The following PCDHA9 variants were observed in gnomAD, a reference collection of about 807,000 sequenced individuals.
PCDHA9 encodes the protein protocadherin alpha-9.
In PCDHA9, 62 loss-of-function variants were observed where a neutral mutation model predicts 62.0. The observed-to-expected ratio is 1.00, with a 90% CI of 0.81 to 1.23. The LOEUF is 1.23. Among genes scored for constraint, PCDHA9 ranks in the 50% most tolerant of loss-of-function variants. The probability of loss-of-function intolerance (pLI) is 0.00; values close to 1 mark genes in which losing one functional copy is unlikely to be tolerated. For synonymous variants in PCDHA9, 557 were observed against 567.6 expected (o/e 0.98, Z 0.27); for missense variants, 1,205 against 1,249.8 (o/e 0.96, Z 0.54).
chr5:140,883,096 T>G (rs2059436763), intron 1 of PCDHA9: 1 of 1,614,006 alleles, frequency 6.2e-7, no homozygotes, highest in Non-Finnish European at 8.5e-7. Flanking sequence ...CAAATGGAGA[T>G]ATAGTTTACT....
chr5:140,984,413 C>A lies in PCDHA9; in HGVS notation c.2542+1850C>A, dbSNP rs75063168. Among the ~76,000 whole-genome samples, 1,502 of 152,262 alleles carry A rather than the reference C, an allele frequency of 9.9e-3. 20 individuals carry two copies. Among genetic ancestry groups the A allele is most frequent in the African/African-American group, 0.035 (1,434 of 41,536 alleles). On this transcript the variant is annotated intron_variant, in intron 3 of 3. Transcript: ENST00000532602. ...AAATGTTGAGAACCTATCTTTTTTA[C>A]AGAGATAGAGAAGGGGATCTCCCTT...
intron 1 of PCDHA9, among the ~76,000 whole-genome samples, chr5:140,910,787 T>G (rs566298433): frequency 2.0e-5 from 3 of 152,196 alleles, no homozygotes; most frequent in Non-Finnish European, 4.4e-5. Flanking sequence ...CAACATTAAA[T>G]GCAGAATCCC....
chr5:140,934,555 CT>C (rs1355336850), intron 1 of PCDHA9, among the ~76,000 whole-genome samples: 2 of 151,972 alleles, frequency 1.3e-5, no homozygotes, highest in African/African-American at 2.4e-5. Context: ...ATCATTTCTT[CT>C]TTTTTTTAAT....
intron 1 of PCDHA9, chr5:140,858,724 G>A: frequency 2.0e-6 from 1 of 491,474 alleles, no homozygotes; most frequent in South Asian, 3.0e-5. Flanking sequence ...TTGCAGTTCT[G>A]ACGATTTACT....
At chr5:140,884,378 A>G (rs781954919) in intron 1 of PCDHA9, 3 of 1,613,952 alleles carry the variant, frequency 1.9e-6, no homozygotes, top group Non-Finnish European at 2.5e-6. Flanking sequence ...GATCATTGCC[A>G]TCTGCGCGGT....
chr5:140,963,438 CT>C (rs2095766112), intron 1 of PCDHA9, among the ~76,000 whole-genome samples: 1 of 152,242 alleles, frequency 6.6e-6, no homozygotes, highest in Admixed American at 6.5e-5. Context: ...TAACTTCATA[CT>C]CTGTTGCTAA....
intron 1 of PCDHA9, among the ~76,000 whole-genome samples, chr5:140,947,689 G>A (rs1276078725): frequency 2.0e-5 from 3 of 151,490 alleles, no homozygotes; most frequent in African/African-American, 4.8e-5. Context: ...GTCTCAGCAT[G>A]TTCTGTAGTT....
intron 1 of PCDHA9, among the ~76,000 whole-genome samples, chr5:140,923,018 T>G (rs1353684633): frequency 6.6e-6 from 1 of 152,224 alleles, no homozygotes; most frequent in African/African-American, 2.4e-5. Flanking sequence ...GACTGCAGTT[T>G]CGGACTCTAT....
chr5:140,967,029 G>A, intron 1 of PCDHA9: 1 of 1,609,056 alleles, frequency 6.2e-7, no homozygotes, highest in Non-Finnish European at 8.5e-7. Flanking sequence ...CCCAGTCCGC[G>A]CTACCTGGAG....
At chr5:140,954,864 G>A (rs2095103058) in intron 1 of PCDHA9, among the ~76,000 whole-genome samples, 1 of 152,074 alleles carries the variant, frequency 6.6e-6, no homozygotes, top group Admixed American at 6.5e-5. Context: ...TGTCCTGAAT[G>A]GTATTGCCTA....
At chr5:140,975,213 G>A (rs1205237242) in intron 1 of PCDHA9, among the ~76,000 whole-genome samples, 2 of 152,178 alleles carry the variant, frequency 1.3e-5, no homozygotes, top group African/African-American at 4.8e-5. Context: ...GGCTGGCACT[G>A]GAGAATCTTC....
Position 140,848,526 on chromosome 5 carries a change from G to A in PCDHA9, c.31G>A (p.Gly11Ser), listed in dbSNP as rs1781577604. Residue 11 changes from glycine (G) to serine (S), a missense_variant, in exon 1 of 4, where the codon GGT (glycine) becomes AGT (serine). By Grantham distance (56) the Gly-to-Ser change is moderately conservative (BLOSUM62 0). Transcript: ENST00000532602. Reference sequence around the variant, plus strand: ...ATACTCAAGTCGAGGAGATCCAGAGGGTCAGCCTCTACTGCTCTCGCTTCT... The same window carrying A: ...ATACTCAAGTCGAGGAGATCCAGAGAGTCAGCCTCTACTGCTCTCGCTTCT... MLYSSRGDPE[G>S]QPLLLSLLIL... The A allele has an allele frequency of 1.3e-6, 2 of 1,594,266 alleles. No homozygotes were observed. Among genetic ancestry groups the A allele is most frequent in the Admixed American group, 1.7e-5 (1 of 59,152 alleles).
At position 140,850,636 on chromosome 5, in the gene PCDHA9, C is replaced by T. The variant is rs2150491740; in HGVS notation, c.2141C>T (p.Thr714Met). The T allele has an allele frequency of 8.1e-6, 13 of 1,598,538 alleles. 2 individuals are homozygous for T. The highest frequency in any genetic ancestry group is 6.7e-5 in the Admixed American group (4 of 59,320). Reference sequence around the variant, plus strand: ...GCGGTGTCTAGCCTGTTGGTTCTCACGCTGCTGCTGTACACTGTGCTGCGG... The same window carrying T: ...GCGGTGTCTAGCCTGTTGGTTCTCATGCTGCTGCTGTACACTGTGCTGCGG... ...ICAVSSLLVL[T>M]LLLYTVLRCS... Residue 714 changes from threonine (T) to methionine (M), a missense_variant, in exon 1 of 4, where the codon ACG (threonine) becomes ATG (methionine). Physicochemically the swap from Thr to Met is moderately conservative, Grantham distance 81. Transcript: ENST00000532602.
At chr5:140,882,385 A>G in intron 1 of PCDHA9, 1 of 1,614,234 alleles carries the variant, frequency 6.2e-7, no homozygotes, top group Non-Finnish European at 8.5e-7. Flanking sequence ...CCGAGGAAGC[A>G]AAACACGGCA....
At chr5:141,000,421 A>ATTTTTTTTT (rs34755515) in intron 3 of PCDHA9, among the ~76,000 whole-genome samples, 3 of 27,980 alleles carry the variant, frequency 1.1e-4, no homozygotes, top group African/African-American at 1.8e-4. Flanking sequence ...ATATATATAT[A>ATTTTTTTTT]TTTTTTTTTT....
In PCDHA9 at chr5:140,927,203, C is replaced by T. The variant is rs782141467; in HGVS notation, c.2395-51746C>T. ...ACCTACGACCTGGTGCTCGAGGACC[C>T]GCTGGAGCTGCACAAGATTCGGATT... On this transcript the variant is annotated intron_variant, in intron 1 of 3. Transcript: ENST00000532602. 65 of 1,614,104 alleles carry T rather than the reference C, an allele frequency of 4.0e-5. No homozygotes were observed. Among genetic ancestry groups the T allele is most frequent in the Non-Finnish European group, 5.1e-5 (60 of 1,180,040 alleles).
chr5:140,982,420 G>A, intron 2 of PCDHA9, 55 bp from the exon 3 acceptor site: 1 of 1,611,062 alleles, frequency 6.2e-7, no homozygotes, highest in Non-Finnish European at 8.5e-7. Context: ...GGTGGAAGAA[G>A]AGATGGGAAA....
intron 1 of PCDHA9, chr5:140,929,567 A>G (rs566554100): frequency 7.2e-5 from 33 of 456,594 alleles, no homozygotes; most frequent in Admixed American, 1.2e-4. Flanking sequence ...ATTTAAGAAC[A>G]ATAAAAGTAA....
chr5:140,955,639 C>T (rs2095212239), intron 1 of PCDHA9, among the ~76,000 whole-genome samples: 1 of 152,088 alleles, frequency 6.6e-6, no homozygotes, highest in African/African-American at 2.4e-5. Flanking sequence ...AGTGTGAGAA[C>T]AAATTAATAC....
Sources: gnomAD v4.1 joint callset for allele counts (sites outside exome capture counted in the v4.1 genomes callset) on GRCh38, gnomAD v4.1.1 for gene constraint, MANE v1.5 for transcripts, NCBI Gene and HGNC (gene_info 2026-07-23, HGNC 2026-07-21) for gene names.